The following EDIL3 variants were observed in gnomAD, a reference collection of about 807,000 sequenced individuals.
EDIL3 encodes EGF-like repeat and discoidin I-like domain-containing protein 3.
In EDIL3, 37 loss-of-function variants were observed where a neutral mutation model predicts 67.4. That is an observed-to-expected ratio of 0.55 (90% CI 0.42 to 0.72). The LOEUF (loss-of-function observed/expected upper bound fraction) is 0.72, where lower values mean the gene tolerates loss of function less well. EDIL3 is among the 30% of genes least tolerant of loss of function. EDIL3 has a pLI of 0.00. For missense variants in EDIL3, 527 were observed against 586.3 expected (o/e 0.90, Z 1.04); for synonymous variants, 195 against 196.3 (o/e 0.99, Z 0.05).
At chr5:83,976,404 C>A (rs1037940521) in intron 9 of EDIL3, among the ~76,000 whole-genome samples, 1 of 151,886 alleles carries the variant, frequency 6.6e-6, no homozygotes, top group African/African-American at 2.4e-5. Flanking sequence ...ATAATAATAA[C>A]AATTCATTAA....
At chr5:84,126,157 C>T (rs1039207962) in intron 5 of EDIL3, among the ~76,000 whole-genome samples, 4 of 152,032 alleles carry the variant, frequency 2.6e-5, no homozygotes, top group Admixed American at 6.6e-5. Flanking sequence ...ACAATTTCAT[C>T]GTCTGCTATT....
chr5:84,374,968 C>CT (rs58157149), intron 1 of EDIL3, among the ~76,000 whole-genome samples: 20,255 of 141,682 alleles, frequency 0.14, 1,503 homozygotes, highest in South Asian at 0.22. Context: ...TCGGGTATTT[C>CT]TTTTTTTTTT....
chr5:84,043,480 G>A (rs768924963), intron 9 of EDIL3, among the ~76,000 whole-genome samples: 7 of 152,106 alleles, frequency 4.6e-5, no homozygotes, highest in African/African-American at 7.2e-5. Context: ...CCAAGTTTGC[G>A]GATACACATA....
chr5:84,070,346 G>A (rs893320648), intron 6 of EDIL3, among the ~76,000 whole-genome samples: 15 of 152,194 alleles, frequency 9.9e-5, no homozygotes, highest in African/African-American at 3.4e-4. Flanking sequence ...TGCCCGGTGG[G>A]GCTTCAGGAA....
chr5:84,371,471 AG>A (rs1561271767), intron 1 of EDIL3, among the ~76,000 whole-genome samples: 262 of 148,114 alleles, frequency 1.8e-3, no homozygotes, highest in African/African-American at 5.9e-3. Context: ...AGAGAGAGAG[AG>A]AGAGAAAGAG....
intron 9 of EDIL3, among the ~76,000 whole-genome samples, chr5:84,036,637 T>C (rs763582830): frequency 1.3e-5 from 2 of 152,116 alleles, no homozygotes; most frequent in Admixed American, 6.5e-5. Flanking sequence ...GCATTGAGCA[T>C]TGATATAGAG....
chr5:84,139,141 G>T lies in EDIL3; in HGVS notation c.356-1787C>A, dbSNP rs184577928. On this transcript the variant is annotated intron_variant, in intron 4 of 10. Coordinates refer to ENST00000296591, the MANE Select transcript of EDIL3 (RefSeq NM_005711.5). The stretch of plus-strand genomic sequence containing the variant: ...AATCCCAGCTACTCAGGAGACTGAG[G>T]CAAGAGAATTGCTTGAACCCTGAAG... Among the ~76,000 whole-genome samples, 20 of 152,140 alleles carry T rather than the reference G, an allele frequency of 1.3e-4. No homozygotes were observed. The East Asian group carries it at 3.9e-3, about 30-fold the overall frequency.
At chr5:84,246,373 C>T (rs1303008221) in intron 2 of EDIL3, among the ~76,000 whole-genome samples, 3 of 152,192 alleles carry the variant, frequency 2.0e-5, no homozygotes, top group Non-Finnish European at 4.4e-5. Context: ...TTCTATCCAG[C>T]GCCAGCTGAC....
At chr5:84,092,810 A>C (rs1399585832) in intron 6 of EDIL3, among the ~76,000 whole-genome samples, 2 of 151,450 alleles carry the variant, frequency 1.3e-5, no homozygotes, top group Non-Finnish European at 2.9e-5. Flanking sequence ...AAAAACAAAA[A>C]CAAACAAACA....
At chr5:84,202,759 A>G (rs1743870778) in intron 3 of EDIL3, among the ~76,000 whole-genome samples, 1 of 152,210 alleles carries the variant, frequency 6.6e-6, no homozygotes, top group African/African-American at 2.4e-5. Context: ...AAGAGAAGTC[A>G]GGGATATAGA....
At chr5:84,060,238 CA>C in intron 9 of EDIL3, 61 bp downstream of exon 9, 1 of 1,576,892 alleles carries the variant, frequency 6.3e-7, no homozygotes, top group Non-Finnish European at 8.6e-7. Flanking sequence ...CTCACCTAAT[CA>C]ACAGGAAATC....
intron 1 of EDIL3, among the ~76,000 whole-genome samples, chr5:84,269,135 C>T (rs996118274): frequency 7.9e-5 from 12 of 152,024 alleles, no homozygotes; most frequent in African/African-American, 1.2e-4. Context: ...TTCTTTCACA[C>T]GAATGGACAG....
At chr5:84,137,832 G>A (rs1188902665) in intron 4 of EDIL3, among the ~76,000 whole-genome samples, 3 of 152,144 alleles carry the variant, frequency 2.0e-5, no homozygotes, top group East Asian at 3.9e-4. Context: ...TGATGAATAC[G>A]ATGAGAAGCA....
chr5:84,312,196 C>T (rs1363668931), intron 1 of EDIL3, among the ~76,000 whole-genome samples: 7 of 148,192 alleles, frequency 4.7e-5, no homozygotes, highest in Non-Finnish European at 1.1e-4. Context: ...GGCTGACCCC[C>T]CCACCTCCCT....
At chr5:84,237,512 G>T (rs1023381744) in intron 2 of EDIL3, among the ~76,000 whole-genome samples, 3 of 152,034 alleles carry the variant, frequency 2.0e-5, no homozygotes, top group African/African-American at 7.2e-5. Context: ...GAAGTAAATG[G>T]ATATGGCATA....
intron 9 of EDIL3, among the ~76,000 whole-genome samples, chr5:84,038,817 C>A (rs545662620): frequency 1.4e-4 from 22 of 152,152 alleles, no homozygotes; most frequent in Non-Finnish European, 2.4e-4. Flanking sequence ...AATAACAGAG[C>A]CACATGATTT....
chr5:84,136,396 G>A (rs1158867265), intron 5 of EDIL3, among the ~76,000 whole-genome samples: 1 of 152,142 alleles, frequency 6.6e-6, no homozygotes, highest in Non-Finnish European at 1.5e-5. Context: ...TATAGCACTA[G>A]TATTACTAAC....
intron 4 of EDIL3, among the ~76,000 whole-genome samples, chr5:84,166,861 G>A (rs1330001097): frequency 6.6e-6 from 1 of 152,118 alleles, no homozygotes; most frequent in East Asian, 1.9e-4. Context: ...TGATCACAAT[G>A]CAAAGGCCCC....
chr5:84,031,625 A>T (rs998480139), intron 9 of EDIL3, among the ~76,000 whole-genome samples: 3 of 152,206 alleles, frequency 2.0e-5, no homozygotes, highest in Admixed American at 6.5e-5. Context: ...ATGTGAGGAC[A>T]CATCAAGAAG....
Sources: allele counts gnomAD v4.1 joint callset (sites outside exome capture counted in the v4.1 genomes callset), GRCh38; gene constraint gnomAD v4.1.1; transcripts MANE v1.5; gene names NCBI Gene and HGNC (gene_info 2026-07-23, HGNC 2026-07-21).